The following SEMA3D variants were observed in gnomAD, a reference collection of about 807,000 sequenced individuals.
SEMA3D encodes the protein semaphorin 3D.
Under a neutral mutation model 100.1 loss-of-function variants are expected in SEMA3D, and 84 were observed. The observed-to-expected ratio is 0.84, with a 90% CI of 0.70 to 1.01. The LOEUF (loss-of-function observed/expected upper bound fraction) is 1.01. SEMA3D is among the 50% of genes least tolerant of loss of function. SEMA3D has a pLI of 0.00. For missense variants in SEMA3D, 875 were observed against 934.1 expected (o/e 0.94, Z 0.82); for synonymous variants, 312 against 320.7 (o/e 0.97, Z 0.29).
intron 9 of SEMA3D, 95 bp from the exon 10 acceptor site, chr7:85,042,380 T>C (rs1341228780): frequency 5.9e-6 from 5 of 841,800 alleles, no homozygotes; most frequent in Middle Eastern, 2.4e-4. Flanking sequence ...CTTATTGATG[T>C]CATTGTTTAC....
At chr7:85,058,679 C>A (rs1320020431) in intron 8 of SEMA3D, among the ~76,000 whole-genome samples, 1 of 144,700 alleles carries the variant, frequency 6.9e-6, no homozygotes, top group Non-Finnish European at 1.5e-5. Flanking sequence ...ACCCGGGAGG[C>A]GCAGCTTGCA....
intron 2 of SEMA3D, among the ~76,000 whole-genome samples, chr7:85,126,983 A>G (rs938109388): frequency 1.3e-5 from 2 of 152,148 alleles, no homozygotes; most frequent in Non-Finnish European, 2.9e-5. Context: ...AAAATATCCT[A>G]CTACTTTAGT....
rs563629390 is a variant in SEMA3D at position 85,022,337 on chromosome 7, T to C, written c.1414+54A>G. On this transcript the variant is annotated intron_variant, in intron 13 of 18. Transcript: ENST00000284136. ...ATATTTTTGAAGTTGTTCTTCTCTT[T>C]GTCTAATAATGAAAAATTCCTTTTG... 12 of 1,201,126 alleles carry C rather than the reference T, an allele frequency of 1.0e-5. No individual in the cohort carries two copies. In the East Asian group the frequency reaches 2.6e-4, roughly 26 times the overall value. 74.4% of individuals were successfully genotyped at this position (1,201,126 alleles called of 1,614,324 possible). A position where few individuals can be genotyped will look rare whatever the true frequency, so the allele number is the denominator to read the frequency against.
chr7:85,093,608 T>C (rs1788465253), intron 4 of SEMA3D, among the ~76,000 whole-genome samples: 1 of 152,056 alleles, frequency 6.6e-6, no homozygotes, highest in African/African-American at 2.4e-5. Context: ...TTAAGCCAAA[T>C]TCAGGTGTCT....
intron 2 of SEMA3D, among the ~76,000 whole-genome samples, chr7:85,135,784 A>G (rs1201000570): frequency 6.8e-6 from 1 of 148,012 alleles, no homozygotes; most frequent in Non-Finnish European, 1.5e-5. Flanking sequence ...GCTCAGTAAA[A>G]AAAAAAAAAA....
intron 10 of SEMA3D, 90 bp from the exon 11 acceptor site, chr7:85,040,832 A>G (rs1790839866): frequency 1.5e-6 from 1 of 675,634 alleles, no homozygotes. Flanking sequence ...CTGAAAATCT[A>G]AACAGTTTAT....
chr7:85,222,208 T>C, the SEMA3D span, among the ~76,000 whole-genome samples: 1 of 152,086 alleles, frequency 6.6e-6, no homozygotes, highest in African/African-American at 2.4e-5. Flanking sequence ...GTACGTATGT[T>C]TTTGAAGGTG....
intron 17 of SEMA3D, among the ~76,000 whole-genome samples, chr7:85,012,324 G>T (rs1789977196): frequency 6.6e-6 from 1 of 151,706 alleles, no homozygotes; most frequent in South Asian, 2.1e-4. Flanking sequence ...AATATTTATT[G>T]ATTAAGTGAA....
the SEMA3D span, among the ~76,000 whole-genome samples, chr7:85,249,227 CT>C: frequency 6.6e-6 from 1 of 152,164 alleles, no homozygotes; most frequent in African/African-American, 2.4e-5. Flanking sequence ...CTGCTGTGTT[CT>C]TCCTCCCCAA....
chr7:85,055,633 T>G (rs1036651432), intron 9 of SEMA3D, 84 bp downstream of exon 9: 20 of 231,978 alleles, frequency 8.6e-5, no homozygotes, highest in Non-Finnish European at 1.3e-4. Context: ...CTTGCCAAAG[T>G]TTTTTCATAT....
intron 5 of SEMA3D, among the ~76,000 whole-genome samples, chr7:85,079,459 G>A (rs1247854250): frequency 1.3e-5 from 2 of 152,090 alleles, no homozygotes; most frequent in Non-Finnish European, 2.9e-5. Flanking sequence ...GGTTAGAGGT[G>A]GTTACTAGCT....
chr7:85,096,543 A>G (rs1260666534), intron 4 of SEMA3D, among the ~76,000 whole-genome samples: 2 of 151,876 alleles, frequency 1.3e-5, no homozygotes, highest in Non-Finnish European at 2.9e-5. Context: ...CATGAAATGT[A>G]TGTGTATACA....
At position 85,098,687 on chromosome 7, in the gene SEMA3D, C is replaced by T. The variant is rs562345841; in HGVS notation, c.152-722G>A. Among the ~76,000 whole-genome samples, 4 of 151,908 alleles carry T rather than the reference C, an allele frequency of 2.6e-5. No individual in the cohort carries two copies. The South Asian group carries it at 6.2e-4, about 24-fold the overall frequency. On this transcript the variant is annotated intron_variant, in intron 3 of 18. Coordinates refer to ENST00000284136, the MANE Select transcript of SEMA3D (RefSeq NM_001384900.1). Reference sequence around the variant, plus strand: ...TAAACCTACACTGGCACATATTAATCTTCCAAACTTTATAGTTTAGGGTTT... The same window carrying T: ...TAAACCTACACTGGCACATATTAATTTTCCAAACTTTATAGTTTAGGGTTT...
intron 4 of SEMA3D, among the ~76,000 whole-genome samples, chr7:85,097,392 T>G (rs1176095897): frequency 1.3e-5 from 2 of 151,854 alleles, no homozygotes; most frequent in African/African-American, 4.8e-5. Flanking sequence ...CATTATCATT[T>G]GAAAGTATGC....
At chr7:85,238,971 A>T in the SEMA3D span, among the ~76,000 whole-genome samples, 1 of 151,920 alleles carries the variant, frequency 6.6e-6, no homozygotes, top group Non-Finnish European at 1.5e-5. Flanking sequence ...ACTGCATTTT[A>T]AAAAACTTTA....
rs1486328940 is a variant in SEMA3D, at chr7:84,998,946, G to C, written c.*494C>G. 6.4e-6 allele frequency: 1 copy of C among 157,246 alleles called. No individual in the cohort carries two copies. The highest frequency in any genetic ancestry group is 1.4e-5 in the Non-Finnish European group (1 of 71,030). 9.7% of individuals were successfully genotyped at this position (157,246 alleles called of 1,614,324 possible). A position where few individuals can be genotyped will look rare whatever the true frequency, so the allele number is the denominator to read the frequency against. ...CAGGAGTGAATGGCTCACTGAGAAA[G>C]TTCCTGTTGATAATGGGAGTTGTCT... On this transcript the variant is annotated 3_prime_UTR_variant, in exon 19 of 19. Coordinates refer to ENST00000284136, the MANE Select transcript of SEMA3D (RefSeq NM_001384900.1).
intron 18 of SEMA3D, among the ~76,000 whole-genome samples, chr7:85,001,220 A>G (rs1272389694): frequency 6.6e-6 from 1 of 152,174 alleles, no homozygotes; most frequent in African/African-American, 2.4e-5. Flanking sequence ...ATCCCTGGTT[A>G]ATGAGGCTGA....
intron 17 of SEMA3D, among the ~76,000 whole-genome samples, chr7:85,009,029 T>C (rs932995527): frequency 5.3e-5 from 8 of 151,782 alleles, no homozygotes; most frequent in Non-Finnish European, 8.8e-5. Flanking sequence ...AAAAACCTTT[T>C]GGTCCCAGGC....
At chr7:85,073,525 C>T (rs563059891) in intron 5 of SEMA3D, among the ~76,000 whole-genome samples, 3 of 152,138 alleles carry the variant, frequency 2.0e-5, no homozygotes, top group Admixed American at 6.5e-5. Context: ...GCTAGGACTA[C>T]AAGCACCCAC....
Sources: allele counts gnomAD v4.1 joint callset (sites outside exome capture counted in the v4.1 genomes callset), GRCh38; gene constraint gnomAD v4.1.1; transcripts MANE v1.5; gene names NCBI Gene and HGNC (gene_info 2026-07-23, HGNC 2026-07-21).